The following VWC2L variants were observed in gnomAD, a reference collection of about 807,000 sequenced individuals.
The protein encoded by VWC2L is von Willebrand factor C domain containing 2 like, also known as von Willebrand factor C domain-containing protein 2-like.
A neutral mutation model predicts 21.6 loss-of-function variants in VWC2L; 10 were observed. The observed-to-expected ratio is 0.46, with a 90% confidence interval of 0.29 to 0.78. The LOEUF is 0.78. Ranked by LOEUF, VWC2L falls within the 30% of genes least tolerant of loss-of-function variation. The probability of loss-of-function intolerance (pLI) is 0.10; values close to 1 mark genes in which losing one functional copy is unlikely to be tolerated. For synonymous variants in VWC2L, 96 were observed against 94.3 expected (o/e 1.02, Z -0.10); for missense variants, 209 against 277.1 (o/e 0.75, Z 1.74).
chr2:214,552,189 T>C (rs1415447068), intron 3 of VWC2L, among the ~76,000 whole-genome samples: 1 of 152,204 alleles, frequency 6.6e-6, no homozygotes, highest in African/African-American at 2.4e-5. Context: ...ACCTGCAACC[T>C]TTCCTCACTA....
chr2:214,482,511 A>T (rs1688617276), intron 3 of VWC2L, among the ~76,000 whole-genome samples: 1 of 149,796 alleles, frequency 6.7e-6, no homozygotes, highest in African/African-American at 2.5e-5. Context: ...ATATGTGTGT[A>T]TGTATATGTG....
intron 3 of VWC2L, among the ~76,000 whole-genome samples, chr2:214,547,240 T>A (rs1338426958): frequency 2.5e-5 from 3 of 121,502 alleles, no homozygotes; most frequent in Admixed American, 1.5e-4. Flanking sequence ...GGAAAACAAA[T>A]AGAATACTTG....
chr2:214,499,795 CTTTA>C (rs556432216), intron 3 of VWC2L, among the ~76,000 whole-genome samples: 227 of 152,258 alleles, frequency 1.5e-3, no homozygotes, highest in Non-Finnish European at 2.7e-3. Context: ...TTAGCTTTGC[CTTTA>C]TTTATTTGGT....
intron 3 of VWC2L, among the ~76,000 whole-genome samples, chr2:214,531,030 CTAAGA>C (rs1482628136): frequency 1.3e-5 from 2 of 152,170 alleles, no homozygotes; most frequent in African/African-American, 4.8e-5. Context: ...TTTCCTGAAT[CTAAGA>C]TATTTCCATC....
intron 3 of VWC2L, among the ~76,000 whole-genome samples, chr2:214,479,526 C>T (rs1259231250): frequency 1.3e-5 from 2 of 152,134 alleles, no homozygotes; most frequent in African/African-American, 4.8e-5. Flanking sequence ...TAATCTGAAC[C>T]AGGCATGGTA....
intron 2 of VWC2L, among the ~76,000 whole-genome samples, chr2:214,431,717 T>C (rs1381038117): frequency 6.6e-6 from 1 of 152,228 alleles, no homozygotes; most frequent in Non-Finnish European, 1.5e-5. Context: ...AAAGATTTTC[T>C]AATATACTAA....
chr2:214,457,718 G>A (rs1249954425), intron 3 of VWC2L, among the ~76,000 whole-genome samples: 1 of 152,034 alleles, frequency 6.6e-6, no homozygotes, highest in Non-Finnish European at 1.5e-5. Context: ...TGCTTTCTCT[G>A]TGACTCTTGA....
intron 3 of VWC2L, among the ~76,000 whole-genome samples, chr2:214,457,469 T>A (rs1484121215): frequency 6.6e-6 from 1 of 152,098 alleles, no homozygotes; most frequent in African/African-American, 2.4e-5. Flanking sequence ...CGTATCCAAT[T>A]TGGATACCTT....
intron 3 of VWC2L, among the ~76,000 whole-genome samples, chr2:214,489,882 T>C (rs1688722316): frequency 6.6e-6 from 1 of 152,112 alleles, no homozygotes; most frequent in Non-Finnish European, 1.5e-5. Flanking sequence ...CAGCACTGGA[T>C]AGAAAAAGAG....
chr2:214,542,695 C>G (rs771113323), intron 3 of VWC2L, among the ~76,000 whole-genome samples: 5 of 152,206 alleles, frequency 3.3e-5, no homozygotes, highest in Admixed American at 6.5e-5. Context: ...GTATGCCTCT[C>G]CTGTGCCCTT....
intron 2 of VWC2L, among the ~76,000 whole-genome samples, chr2:214,416,520 A>G (rs2126169544): frequency 6.6e-6 from 1 of 152,210 alleles, no homozygotes; most frequent in South Asian, 2.1e-4. Flanking sequence ...AGAGTTTTAG[A>G]GACTATATAG....
intron 3 of VWC2L, among the ~76,000 whole-genome samples, chr2:214,500,716 A>C (rs1341583481): frequency 6.6e-6 from 1 of 152,160 alleles, no homozygotes; most frequent in Non-Finnish European, 1.5e-5. Context: ...CCTTAACAAG[A>C]TCAGAGTTCT....
intron 3 of VWC2L, among the ~76,000 whole-genome samples, chr2:214,478,703 T>C (rs1198995837): frequency 6.6e-6 from 1 of 152,176 alleles, no homozygotes; most frequent in Non-Finnish European, 1.5e-5. Flanking sequence ...TGGATCCCTC[T>C]GTCGCATAGC....
chr2:214,570,642 C>T (rs753873738), intron 3 of VWC2L, among the ~76,000 whole-genome samples: 6 of 151,788 alleles, frequency 4.0e-5, no homozygotes, highest in East Asian at 1.9e-4. Flanking sequence ...GGATTACAGG[C>T]GTGAGCCACC....
intron 3 of VWC2L, among the ~76,000 whole-genome samples, chr2:214,464,722 AG>A (rs1703190826): frequency 6.6e-6 from 1 of 152,104 alleles, no homozygotes; most frequent in South Asian, 2.1e-4. Flanking sequence ...CTTACACTTC[AG>A]GGCAGTGAGC....
rs749965339 is a variant in VWC2L, at chr2:214,576,552, ACACCATAAG to A, written c.*734_*742del. The stretch of plus-strand genomic sequence containing the variant: ...CCAATCAAAATCTATTACGTAAAGA[ACACCATAAG>A]CTCAACTAAAGAATCCAAAGAGAGA... On this transcript the variant is annotated 3_prime_UTR_variant, in exon 4 of 4. Transcript: ENST00000312504. 1.3e-5 allele frequency: 2 copies of A among 152,230 alleles called. No individual in the cohort carries two copies. Among genetic ancestry groups the A allele is most frequent in the African/African-American group, 2.4e-5 (1 of 41,466 alleles). 9.4% of individuals were successfully genotyped at this position (152,230 alleles called of 1,614,324 possible). A position where few individuals can be genotyped will look rare whatever the true frequency, so the allele number is the denominator to read the frequency against.
At chr2:214,420,478 A>G (rs370536759) in intron 2 of VWC2L, among the ~76,000 whole-genome samples, 2 of 152,210 alleles carry the variant, frequency 1.3e-5, no homozygotes, top group African/African-American at 2.4e-5. Flanking sequence ...CCCCTTGCCT[A>G]CTTACCCACC....
chr2:214,482,474 TAC>T (rs1468982600), intron 3 of VWC2L, among the ~76,000 whole-genome samples: 4 of 151,404 alleles, frequency 2.6e-5, no homozygotes, highest in African/African-American at 9.7e-5. Flanking sequence ...CACACATATA[TAC>T]GTGTATGTAT....
intron 3 of VWC2L, among the ~76,000 whole-genome samples, chr2:214,529,220 G>A (rs959787138): frequency 5.9e-5 from 9 of 152,120 alleles, no homozygotes; most frequent in Non-Finnish European, 1.0e-4. Flanking sequence ...GTGTTGTATG[G>A]CAAGGCAAAT....
Sources: allele counts gnomAD v4.1 joint callset (sites outside exome capture counted in the v4.1 genomes callset), GRCh38; gene constraint gnomAD v4.1.1; transcripts MANE v1.5; gene names NCBI Gene and HGNC (gene_info 2026-07-23, HGNC 2026-07-21).